RGPD1: variants seen among roughly 807,000 people sequenced by gnomAD.
RGPD1 encodes the protein RANBP2 like and GRIP domain containing 1.
A neutral mutation model predicts 40.6 loss-of-function variants in RGPD1; 7 were observed. That is an observed-to-expected ratio of 0.17 (90% CI 0.10 to 0.32). The LOEUF is 0.32. RGPD1 is among the 10% of genes least tolerant of loss of function. The probability of loss-of-function intolerance (pLI) is 1.00; values close to 1 mark genes in which losing one functional copy is unlikely to be tolerated. For missense variants in RGPD1, 50 were observed against 472.5 expected (o/e 0.11, Z 8.29); for synonymous variants, 24 against 167.0 (o/e 0.14, Z 6.60).
intron 6 of RGPD1, among the ~76,000 whole-genome samples, chr2:86,960,734 T>C (rs1243347173): frequency 2.3e-5 from 2 of 88,276 alleles, no homozygotes; most frequent in African/African-American, 9.1e-5. Flanking sequence ...GGCCTACAGG[T>C]GCCCGCCACC....
intron 9 of RGPD1, among the ~76,000 whole-genome samples, chr2:86,973,727 TAAAGG>T (rs1681230303): frequency 3.3e-5 from 2 of 60,002 alleles, no homozygotes. Flanking sequence ...TTTAATGACT[TAAAGG>T]AAAACCCATT....
In RGPD1 at chr2:86,942,257, C is replaced by A; in HGVS notation, c.21C>A (p.Tyr7Ter). 3 of 1,607,008 alleles carry A rather than the reference C, an allele frequency of 1.9e-6. No individual in the cohort carries two copies. Among genetic ancestry groups the A allele is most frequent in the East Asian group, 4.5e-5 (2 of 44,668 alleles). Residue 7 changes from tyrosine (Y) to a stop codon, truncating the protein, a stop_gained, in exon 1 of 23, where the codon TAC becomes TAA. Coordinates refer to ENST00000641458, the MANE Select transcript of RGPD1 (RefSeq NM_001382344.1). LOFTEE classifies it high-confidence loss of function. MRRSKA[Y>*]GERYVASVQG... ...GTGCGATGAGGCGCAGCAAGGCCTA[C>A]GGGGAGCGGTACGTCGCCTCGGTGC...
At chr2:86,933,406 A>G (rs532816030) in intron 1 of RGPD1, among the ~76,000 whole-genome samples, 4 of 150,576 alleles carry the variant, frequency 2.7e-5, no homozygotes, top group African/African-American at 7.3e-5. Flanking sequence ...TAATACTGGT[A>G]TGACAACTGA....
At position 86,915,280 on chromosome 2, in the gene RGPD1, AGTTAGG is replaced by A. The variant is rs1290684740; in HGVS notation, c.72+1378_72+1383del. On this transcript the variant is annotated intron_variant, in intron 1 of 22. Coordinates refer to the RGPD1 transcript ENST00000398193. ...CACTGCACTCCAGCCTAGGTGATAG[AGTTAGG>A]GTTAGGGTTAGGGTTAGGCAAGACA... Among the ~76,000 whole-genome samples the A allele has an allele frequency of 9.9e-5, 15 of 150,826 alleles. 1 individual carries two copies. Among genetic ancestry groups the A allele is most frequent in the East Asian group, 2.0e-4 (1 of 5,108 alleles).
chr2:86,925,830 A>G (rs1411028182), intron 1 of RGPD1, among the ~76,000 whole-genome samples: 1 of 152,036 alleles, frequency 6.6e-6, no homozygotes, highest in Non-Finnish European at 1.5e-5. Context: ...TCAGCCTCCC[A>G]GAGTGTTGGG....
intron 1 of RGPD1, among the ~76,000 whole-genome samples, chr2:86,936,875 A>G (rs1352537831): frequency 7.0e-6 from 1 of 142,896 alleles, no homozygotes; most frequent in Non-Finnish European, 1.5e-5. Flanking sequence ...TGCTTTTGTC[A>G]CAAAAGCACA....
At chr2:86,929,686 ACT>A (rs1678768771) in intron 1 of RGPD1, among the ~76,000 whole-genome samples, 1 of 83,312 alleles carries the variant, frequency 1.2e-5, no homozygotes, top group Non-Finnish European at 2.3e-5. Flanking sequence ...CAGAGCCCAC[ACT>A]CTTTTTTTTT....
upstream of RGPD1, among the ~76,000 whole-genome samples, chr2:86,939,757 C>T (rs1401160976): frequency 1.0e-5 from 1 of 98,390 alleles, no homozygotes; most frequent in Non-Finnish European, 2.0e-5. Flanking sequence ...TTTTTTGAGA[C>T]AGGGTCTTTC....
At chr2:86,997,084 C>T (rs575757536) in intron 21 of RGPD1, among the ~76,000 whole-genome samples, 1 of 150,160 alleles carries the variant, frequency 6.7e-6, no homozygotes, top group East Asian at 1.9e-4. Context: ...GATGCATCCT[C>T]TCCTCTTGTC....
At chr2:86,936,074 C>T (rs911077247) in intron 1 of RGPD1, among the ~76,000 whole-genome samples, 2 of 133,722 alleles carry the variant, frequency 1.5e-5, no homozygotes, top group African/African-American at 2.6e-5. Context: ...GGCGCAATCT[C>T]GGCTCACTGC....
chr2:86,916,263 T>C (rs1160137427), intron 1 of RGPD1, among the ~76,000 whole-genome samples: 2 of 152,274 alleles, frequency 1.3e-5, no homozygotes, highest in African/African-American at 4.8e-5. Context: ...GTGTAAATTA[T>C]GTGGTATCAA....
At chr2:86,943,496 G>A (rs189175744) in intron 1 of RGPD1, among the ~76,000 whole-genome samples, 167 of 152,188 alleles carry the variant, frequency 1.1e-3, no homozygotes, top group Non-Finnish European at 2.2e-3. Context: ...AGCTATTAAA[G>A]GTGGATGTGC....
Position 86,930,489 on chromosome 2 carries a change from C to T in RGPD1, c.72+16568C>T, listed in dbSNP as rs1202840640. On this transcript the variant is annotated intron_variant, in intron 1 of 22. Transcript: ENST00000398193. ...AGCCAACAAGTTGATTTCACGCTGC[C>T]GCTGCTGTTGTTGCAGCCTGAGTTT... 50 of 1,480,974 alleles carry T rather than the reference C, an allele frequency of 3.4e-5. 5 individuals are homozygous for T. Among genetic ancestry groups the T allele is most frequent in the Admixed American group, 1.2e-4 (7 of 58,138 alleles). The allele number at this position is 1,480,974 out of a possible 1,614,324, so 91.7% of individuals were successfully genotyped here. A position where few individuals can be genotyped will look rare whatever the true frequency, so the allele number is the denominator to read the frequency against.
At chr2:87,007,367 A>AT (rs1403764399) in intron 22 of RGPD1, among the ~76,000 whole-genome samples, 3 of 149,614 alleles carry the variant, frequency 2.0e-5, no homozygotes, top group Non-Finnish European at 4.5e-5. Context: ...CGCCCGTCTA[A>AT]TTTTTTTGTT....
chr2:86,928,795 T>G (rs1221465531), intron 1 of RGPD1, among the ~76,000 whole-genome samples: 1 of 152,192 alleles, frequency 6.6e-6, no homozygotes, highest in Non-Finnish European at 1.5e-5. Context: ...TATCTGGAAT[T>G]CTTAGCTGAT....
At chr2:86,943,389 A>C (rs1217682916) in intron 1 of RGPD1, among the ~76,000 whole-genome samples, 1 of 151,034 alleles carries the variant, frequency 6.6e-6, no homozygotes, top group Non-Finnish European at 1.5e-5. Context: ...TTTTCCACAA[A>C]TGTTTTTAGG....
At chr2:86,931,889 GTAGT>G (rs1165731979) in intron 1 of RGPD1, among the ~76,000 whole-genome samples, 6 of 147,896 alleles carry the variant, frequency 4.1e-5, no homozygotes, top group South Asian at 4.2e-4. Context: ...ACTTCATTTG[GTAGT>G]TAGACATATA....
intron 1 of RGPD1, chr2:86,930,650 G>A (rs1190776220): frequency 2.5e-6 from 4 of 1,611,224 alleles, no homozygotes; most frequent in African/African-American, 1.3e-5. Flanking sequence ...CACAGAGGTA[G>A]GGCTGGTTGT....
intron 1 of RGPD1, among the ~76,000 whole-genome samples, chr2:86,925,547 C>T (rs1678422198): frequency 6.6e-6 from 1 of 152,190 alleles, no homozygotes; most frequent in African/African-American, 2.4e-5. Flanking sequence ...GGATTACAGG[C>T]ATGAGCCACT....
Sources: allele counts gnomAD v4.1 joint callset (sites outside exome capture counted in the v4.1 genomes callset), GRCh38; gene constraint gnomAD v4.1.1; transcripts MANE v1.5; gene names NCBI Gene and HGNC (gene_info 2026-07-23, HGNC 2026-07-21).